The following TTC39B variants were observed in gnomAD, a reference collection of about 807,000 sequenced individuals.
The protein encoded by TTC39B is tetratricopeptide repeat protein 39B.
In TTC39B, 92 loss-of-function variants were observed where a neutral mutation model predicts 96.6. The observed-to-expected ratio is 0.95, with a 90% CI of 0.80 to 1.13. The LOEUF is 1.13. TTC39B is among the 50% of genes most tolerant of loss of function. TTC39B has a pLI of 0.00. For synonymous variants in TTC39B, 367 were observed against 299.4 expected, an observed-to-expected ratio of 1.23 and a Z score of -2.33; for missense variants, 955 against 809.3, an observed-to-expected ratio of 1.18 and a Z score of -2.18.
intron 1 of TTC39B, among the ~76,000 whole-genome samples, chr9:15,291,692 C>G (rs1563793388): frequency 6.6e-6 from 1 of 152,090 alleles, no homozygotes; most frequent in South Asian, 2.1e-4. Flanking sequence ...TAAGCCATTA[C>G]CAGTTGAACA....
At chr9:15,201,817 T>C (rs549568072) in intron 7 of TTC39B, among the ~76,000 whole-genome samples, 5 of 152,186 alleles carry the variant, frequency 3.3e-5, no homozygotes, top group African/African-American at 1.2e-4. Flanking sequence ...AGTACCCCCC[T>C]CATTTGTGAC....
chr9:15,193,103 T>G (rs1272790911), intron 8 of TTC39B, among the ~76,000 whole-genome samples: 1 of 152,204 alleles, frequency 6.6e-6, no homozygotes, highest in Non-Finnish European at 1.5e-5. Context: ...CAAGAAGATC[T>G]GAATTTCAGT....
chr9:15,266,653 C>G (rs1236588355), intron 2 of TTC39B, among the ~76,000 whole-genome samples: 5 of 152,144 alleles, frequency 3.3e-5, no homozygotes, highest in Admixed American at 6.5e-5. Flanking sequence ...CCTCTACCCC[C>G]ACCTGTACAT....
intron 2 of TTC39B, among the ~76,000 whole-genome samples, chr9:15,256,278 C>T (rs547127761): frequency 6.6e-6 from 1 of 152,218 alleles, no homozygotes; most frequent in South Asian, 2.1e-4. Context: ...TGGGCCCTCA[C>T]CAGACACTCA....
intron 1 of TTC39B, among the ~76,000 whole-genome samples, chr9:15,288,142 C>T (rs1824047072): frequency 6.6e-6 from 1 of 151,998 alleles, no homozygotes; most frequent in South Asian, 2.1e-4. Flanking sequence ...CCAAGAATCT[C>T]AATGTTTTCT....
chr9:15,199,433 C>A (rs983764147), intron 8 of TTC39B, among the ~76,000 whole-genome samples: 2 of 152,060 alleles, frequency 1.3e-5, no homozygotes. Flanking sequence ...TTTACCAACA[C>A]CAAATAAAAA....
intron 2 of TTC39B, among the ~76,000 whole-genome samples, chr9:15,247,035 G>A (rs1046359680): frequency 3.9e-5 from 6 of 152,196 alleles, no homozygotes; most frequent in African/African-American, 1.4e-4. Flanking sequence ...ACTCTTGGCT[G>A]ACCAGACAAA....
chr9:15,167,332 G>C (rs1304249682), exon 20 of TTC39B: 1 of 149,324 alleles, frequency 6.7e-6, no homozygotes, highest in Non-Finnish European at 1.5e-5. Context: ...ACAGGCGTGA[G>C]CCACCATTGC....
chr9:15,281,139 TC>T (rs1187606791), intron 1 of TTC39B, among the ~76,000 whole-genome samples: 3 of 152,118 alleles, frequency 2.0e-5, no homozygotes, highest in Non-Finnish European at 4.4e-5. Context: ...TTTATTTCCT[TC>T]CTTTTCTCTT....
chr9:15,292,410 G>A (rs958798430), intron 1 of TTC39B, among the ~76,000 whole-genome samples: 1 of 152,146 alleles, frequency 6.6e-6, no homozygotes, highest in Non-Finnish European at 1.5e-5. Context: ...TTATATAAAA[G>A]TATAGCACAT....
intron 3 of TTC39B, among the ~76,000 whole-genome samples, chr9:15,215,106 A>C (rs779493283): frequency 1.3e-5 from 2 of 152,004 alleles, no homozygotes; most frequent in Non-Finnish European, 2.9e-5. Flanking sequence ...AGTTTTTTTA[A>C]ATAGCCAGGC....
At chr9:15,301,221 G>C (rs1440737995) in intron 1 of TTC39B, among the ~76,000 whole-genome samples, 1 of 152,192 alleles carries the variant, frequency 6.6e-6, no homozygotes, top group Non-Finnish European at 1.5e-5. Context: ...TGTTGTCTTA[G>C]TGCAATTACT....
At chr9:15,247,050 G>A (rs1432766200) in intron 2 of TTC39B, among the ~76,000 whole-genome samples, 3 of 152,220 alleles carry the variant, frequency 2.0e-5, no homozygotes, top group Non-Finnish European at 4.4e-5. Flanking sequence ...GACAAAACTA[G>A]AAATAGTGTC....
chr9:15,257,372 A>G (rs935897208), intron 2 of TTC39B, among the ~76,000 whole-genome samples: 6 of 152,212 alleles, frequency 3.9e-5, no homozygotes, highest in African/African-American at 1.4e-4. Context: ...GTTGACAACT[A>G]TAGAAGCTAA....
At chr9:15,205,804 C>A (rs1418622175) in intron 6 of TTC39B, among the ~76,000 whole-genome samples, 3 of 152,014 alleles carry the variant, frequency 2.0e-5, no homozygotes, top group Non-Finnish European at 4.4e-5. Context: ...GGGATGAAGT[C>A]CGTGGTGGTG....
exon 20 of TTC39B, chr9:15,170,937 A>G (rs960016066): frequency 1.3e-5 from 2 of 152,248 alleles, no homozygotes; most frequent in African/African-American, 2.4e-5. Flanking sequence ...CTTGAAAGTC[A>G]TCTGTTCTTT....
intron 2 of TTC39B, among the ~76,000 whole-genome samples, chr9:15,251,219 G>A (rs1197749195): frequency 2.0e-5 from 3 of 151,832 alleles, no homozygotes; most frequent in Admixed American, 1.3e-4. Context: ...GTAATACCAG[G>A]TAAAATATTG....
intron 2 of TTC39B, among the ~76,000 whole-genome samples, chr9:15,227,095 T>G (rs1158571267): frequency 6.6e-6 from 1 of 152,074 alleles, no homozygotes; most frequent in Non-Finnish European, 1.5e-5. Flanking sequence ...TCACCCGAGG[T>G]CAGGAGTTCG....
At chr9:15,211,126 C>T (rs1820172726) in intron 5 of TTC39B, 140 bp downstream of exon 5, 1 of 961,538 alleles carries the variant, frequency 1.0e-6, no homozygotes, top group African/African-American at 1.7e-5. Context: ...GGGAATCCTT[C>T]AGCTTCGAGG....
Sources: gnomAD v4.1 joint callset for allele counts (sites outside exome capture counted in the v4.1 genomes callset) on GRCh38, gnomAD v4.1.1 for gene constraint, MANE v1.5 for transcripts, NCBI Gene and HGNC (gene_info 2026-07-23, HGNC 2026-07-21) for gene names.